DAP3: variants seen among roughly 807,000 people sequenced by gnomAD.
The protein encoded by DAP3 is death associated protein 3, also known as small ribosomal subunit protein mS29.
In DAP3, 28 loss-of-function variants were observed where a neutral mutation model predicts 51.9. The ratio of observed to expected loss-of-function variants is 0.54; its 90% CI spans 0.40 to 0.74. The LOEUF is 0.74. DAP3 is among the 30% of genes least tolerant of loss of function. The pLI is 0.00. For missense variants in DAP3, 458 were observed against 483.5 expected (o/e 0.95, Z 0.49); for synonymous variants, 170 against 170.3 (o/e 1.00, Z 0.01).
rs2101539706 is a variant in DAP3, at chr1:155,738,173, G to A, written c.1128G>A (p.Gly376=). Residue 376 remains glycine, a synonymous_variant, in exon 13 of 13, where the codon GGG becomes GGA. Transcript: ENST00000368336. The stretch of plus-strand genomic sequence containing the variant: ...CCATTTTAGCTCCTACAGAAGAAGG[G>A]AAAAAAGAGCTGCTGTTCCTAAGTA... The part of the protein sequence containing the change: ...LQHEKAPTEE[G]KKELLFLSNA... 1 of 1,614,176 alleles carries A rather than the reference G, an allele frequency of 6.2e-7. No homozygotes were observed. The highest frequency in any genetic ancestry group is 8.5e-7 in the Non-Finnish European group (1 of 1,180,028).
chr1:155,717,133 G>T lies in DAP3; in HGVS notation c.168+5G>T. ...CGCACCAATGAGAATGACCCGGTGA[G>T]TTACTAATATGTATATGGGGTTTCT... On this transcript the variant is annotated splice_donor_5th_base_variant and intron_variant, in intron 3 of 12. Coordinates refer to ENST00000368336, the MANE Select transcript of DAP3 (RefSeq NM_004632.4). 1.9e-6 allele frequency: 3 copies of T among 1,613,724 alleles called. No individual in the cohort carries two copies. The highest frequency in any genetic ancestry group is 2.5e-6 in the Non-Finnish European group (3 of 1,179,902).
At chr1:155,737,250 A>G (rs1659903145) in intron 12 of DAP3, among the ~76,000 whole-genome samples, 187 bp downstream of exon 12, 1 of 152,190 alleles carries the variant, frequency 6.6e-6, no homozygotes, top group African/African-American at 2.4e-5. Flanking sequence ...TTAATTTACA[A>G]AAGAGATTTT....
At chr1:155,737,994 A>G (rs1177596448) in intron 12 of DAP3, among the ~76,000 whole-genome samples, 163 bp from the exon 13 acceptor site, 2 of 152,208 alleles carry the variant, frequency 1.3e-5, no homozygotes, top group Non-Finnish European at 2.9e-5. Flanking sequence ...ATACAAAAGA[A>G]GAGTAGCTTG....
intron 2 of DAP3, among the ~76,000 whole-genome samples, chr1:155,710,902 T>G (rs1656613224): frequency 6.6e-6 from 1 of 152,026 alleles, no homozygotes; most frequent in South Asian, 2.1e-4. Context: ...AGTATGGTGC[T>G]CTTACAGCAC....
intron 1 of DAP3, chr1:155,689,376 C>G (rs1653335762): frequency 6.0e-6 from 3 of 502,966 alleles, no homozygotes; most frequent in Admixed American, 4.6e-5. Flanking sequence ...CCTCGGATTT[C>G]TCGAATTTCA....
chr1:155,699,520 A>G (rs1338121651), intron 1 of DAP3, among the ~76,000 whole-genome samples: 1 of 152,178 alleles, frequency 6.6e-6, no homozygotes, highest in Non-Finnish European at 1.5e-5. Flanking sequence ...CTTTTTCCCA[A>G]CGCTTAATGA....
At position 155,729,189 on chromosome 1, in the gene DAP3, C is replaced by T; in HGVS notation, c.685-19C>T. The T allele has an allele frequency of 6.2e-7, 1 of 1,614,136 alleles. No individual in the cohort carries two copies. Among genetic ancestry groups the T allele is most frequent in the Non-Finnish European group, 8.5e-7 (1 of 1,180,016 alleles). ...AGAAGGCCTCTGGTAGCACTACAAT[C>T]CACTGTCTCTCCCAATAGGGCATAA... On this transcript the variant is annotated intron_variant, in intron 8 of 12. Transcript: ENST00000368336.
chr1:155,709,948 C>G, intron 2 of DAP3, 124 bp downstream of exon 2: 1 of 800,124 alleles, frequency 1.2e-6, no homozygotes. Flanking sequence ...TAACAGGTTT[C>G]AGTAGAATAA....
At chr1:155,710,059 C>A (rs1656504304) in intron 2 of DAP3, 1 of 398,030 alleles carries the variant, frequency 2.5e-6, no homozygotes, top group African/African-American at 2.0e-5. Context: ...ATTTCTCTAG[C>A]CAACTAGAGA....
At chr1:155,713,497 G>C (rs1195033666) in intron 2 of DAP3, among the ~76,000 whole-genome samples, 1 of 152,104 alleles carries the variant, frequency 6.6e-6, no homozygotes, top group African/African-American at 2.4e-5. Context: ...GATGCTTTAC[G>C]TACTCTCTCA....
chr1:155,688,329 A>G (rs758554292), upstream of DAP3: 3 of 1,549,034 alleles, frequency 1.9e-6, no homozygotes, highest in South Asian at 1.2e-5. Flanking sequence ...TGGCGGCGGC[A>G]GCGGCGGCAG....
intron 1 of DAP3, among the ~76,000 whole-genome samples, chr1:155,695,897 G>A (rs1399779749): frequency 6.6e-6 from 1 of 152,046 alleles, no homozygotes; most frequent in Admixed American, 6.6e-5. Flanking sequence ...AGTAATTTTC[G>A]GAAGAACCTA....
intron 11 of DAP3, 132 bp downstream of exon 11, chr1:155,732,165 G>A (rs1331687230): frequency 1.1e-5 from 7 of 637,720 alleles, no homozygotes; most frequent in Admixed American, 7.1e-5. Context: ...CCCTTCCCCT[G>A]GATTCCTAAA....
At chr1:155,733,225 A>C (rs1220474601) in intron 11 of DAP3, among the ~76,000 whole-genome samples, 1 of 152,232 alleles carries the variant, frequency 6.6e-6, no homozygotes, top group East Asian at 1.9e-4. Flanking sequence ...GCATCCTATC[A>C]GGAGGCACAT....
intron 5 of DAP3, 47 bp from the exon 6 acceptor site, chr1:155,725,880 A>G (rs140607167): frequency 3.4e-4 from 529 of 1,570,920 alleles, no homozygotes; most frequent in Middle Eastern, 1.7e-3. Context: ...CTGTTCACAT[A>G]CAAGTGATCC....
At chr1:155,726,049 G>A (rs759756295) in intron 6 of DAP3, 30 bp downstream of exon 6, 7 of 1,547,130 alleles carry the variant, frequency 4.5e-6, no homozygotes, top group Admixed American at 3.4e-5. Context: ...TCTTCTGTCT[G>A]TTAGGTTTAG....
intron 4 of DAP3, 120 bp downstream of exon 4, chr1:155,721,738 T>A (rs1043187668): frequency 2.1e-6 from 2 of 933,764 alleles, no homozygotes; most frequent in African/African-American, 3.3e-5. Context: ...AAAACAGAAA[T>A]TCATGTGTTG....
chr1:155,719,069 G>GT (rs1409191834), intron 3 of DAP3, among the ~76,000 whole-genome samples: 2 of 152,084 alleles, frequency 1.3e-5, no homozygotes, highest in African/African-American at 2.4e-5. Context: ...TACATACTGG[G>GT]TTTGAGGGCA....
At chr1:155,711,536 A>G (rs985857313) in intron 2 of DAP3, among the ~76,000 whole-genome samples, 3 of 151,858 alleles carry the variant, frequency 2.0e-5, no homozygotes, top group Admixed American at 2.0e-4. Flanking sequence ...ACAGACAACA[A>G]AGACCTGAGG....
Sources: allele counts gnomAD v4.1 joint callset (sites outside exome capture counted in the v4.1 genomes callset), GRCh38; gene constraint gnomAD v4.1.1; transcripts MANE v1.5; gene names NCBI Gene and HGNC (gene_info 2026-07-23, HGNC 2026-07-21).